Variants in GPR137B observed in about 807,000 individuals in gnomAD.
GPR137B encodes integral membrane protein GPR137B.
GPR137B carries 42 observed loss-of-function variants against 42.5 expected under a neutral mutation model. The observed-to-expected ratio is 0.99, with a 90% CI of 0.77 to 1.28. GPR137B has a LOEUF of 1.28. GPR137B is among the 50% of genes most tolerant of loss of function. The pLI is 0.00. For synonymous variants in GPR137B, 218 were observed against 209.7 expected, an observed-to-expected ratio of 1.04 and a Z score of -0.34; for missense variants, 487 against 493.9, an observed-to-expected ratio of 0.99 and a Z score of 0.13.
intron 1 of GPR137B, among the ~76,000 whole-genome samples, chr1:236,151,417 C>CCTTTTT (rs1405128961): frequency 7.1e-5 from 9 of 126,570 alleles, no homozygotes; most frequent in East Asian, 3.2e-4. Context: ...GTTGCATATT[C>CCTTTTT]ATTTTTTTTT....
chr1:236,199,533 G>A (rs1029312340), intron 5 of GPR137B, among the ~76,000 whole-genome samples: 9 of 152,022 alleles, frequency 5.9e-5, no homozygotes, highest in Admixed American at 3.3e-4. Flanking sequence ...GACTTTTTTT[G>A]TTGTTGGAAA....
intron 5 of GPR137B, among the ~76,000 whole-genome samples, chr1:236,199,665 T>C (rs1663438906): frequency 2.0e-5 from 3 of 150,870 alleles, no homozygotes; most frequent in African/African-American, 7.5e-5. Flanking sequence ...CGTAGTAACC[T>C]TGAATGATCT....
intron 1 of GPR137B, among the ~76,000 whole-genome samples, chr1:236,163,599 A>G (rs1285574315): frequency 6.6e-6 from 1 of 152,062 alleles, no homozygotes; most frequent in African/African-American, 2.4e-5. Context: ...TTCTTGTACT[A>G]TTCTTGTGAT....
intron 5 of GPR137B, among the ~76,000 whole-genome samples, chr1:236,195,553 G>C (rs1663308533): frequency 2.0e-5 from 3 of 152,158 alleles, no homozygotes; most frequent in Admixed American, 2.0e-4. Flanking sequence ...ATTGTGAACA[G>C]TGCTGCAACA....
chr1:236,152,832 T>A (rs2102892566), intron 1 of GPR137B, among the ~76,000 whole-genome samples: 1 of 150,806 alleles, frequency 6.6e-6, no homozygotes. Context: ...CTGAGGTGGG[T>A]GGATCATGAG....
chr1:236,179,847 G>A (rs2102911379), intron 3 of GPR137B, 32 bp from the exon 4 acceptor site: 3 of 1,516,180 alleles, frequency 2.0e-6, no homozygotes, highest in East Asian at 2.3e-5. Flanking sequence ...TGGACCTGGA[G>A]TGTCCCATAC....
intron 1 of GPR137B, among the ~76,000 whole-genome samples, chr1:236,160,535 C>A (rs1662158047): frequency 1.3e-5 from 2 of 152,172 alleles, no homozygotes; most frequent in Admixed American, 1.3e-4. Flanking sequence ...GACCCAGGCT[C>A]CTTCTGTCTG....
chr1:236,175,735 G>A (rs1662667407), intron 2 of GPR137B, among the ~76,000 whole-genome samples: 2 of 152,178 alleles, frequency 1.3e-5, no homozygotes, highest in Admixed American at 6.5e-5. Context: ...TAAGCCAGGG[G>A]CTGCCCTCAA....
At chr1:236,180,220 C>T in intron 4 of GPR137B, 192 bp downstream of exon 4, 1 of 557,174 alleles carries the variant, frequency 1.8e-6, no homozygotes, top group Non-Finnish European at 3.3e-6. Flanking sequence ...ATTTACAATA[C>T]CAAATACAAC....
chr1:236,196,839 C>G (rs895511018), intron 5 of GPR137B, among the ~76,000 whole-genome samples: 3 of 151,994 alleles, frequency 2.0e-5, no homozygotes, highest in African/African-American at 7.3e-5. Flanking sequence ...TACCATTTTT[C>G]TTTATCCACT....
At chr1:236,178,238 A>T (rs1200730977) in intron 2 of GPR137B, among the ~76,000 whole-genome samples, 176 bp from the exon 3 acceptor site, 1 of 152,126 alleles carries the variant, frequency 6.6e-6, no homozygotes, top group Non-Finnish European at 1.5e-5. Flanking sequence ...GACCATCCAG[A>T]GGCATAATTT....
chr1:236,142,686 G>C lies in GPR137B; in HGVS notation c.64G>C (p.Asp22His). 6.4e-7 allele frequency: 1 copy of C among 1,573,982 alleles called. No individual in the cohort carries two copies. The highest frequency in any genetic ancestry group is 1.8e-5 in the Admixed American group (1 of 55,174). ...APGPMETPPW[D>H]PARNDSLPPT... Reference sequence around the variant, plus strand: ...CGGCCCGATGGAGACCCCGCCGTGGGACCCAGCCCGCAACGACTCGCTGCC... The same window carrying C: ...CGGCCCGATGGAGACCCCGCCGTGGCACCCAGCCCGCAACGACTCGCTGCC... Residue 22 changes from aspartate (D) to histidine (H), a missense_variant, in exon 1 of 7, where the codon GAC becomes CAC. Physicochemically the swap from Asp to His is moderately conservative, Grantham distance 81 (BLOSUM62 -1). Transcript: ENST00000366592.
chr1:236,199,027 T>C (rs1487544341), intron 5 of GPR137B, among the ~76,000 whole-genome samples: 1 of 152,232 alleles, frequency 6.6e-6, no homozygotes, highest in Non-Finnish European at 1.5e-5. Context: ...TAATGTTGGC[T>C]GTGGGTTTGT....
rs1276590157 is a variant in GPR137B at position 236,142,984 on chromosome 1, C to T, written c.362C>T (p.Pro121Leu). The T allele has an allele frequency of 1.2e-6, 2 of 1,613,924 alleles. No individual in the cohort carries two copies. Among genetic ancestry groups the T allele is most frequent in the African/African-American group, 2.7e-5 (2 of 75,074 alleles). Reference sequence around the variant, plus strand: ...GTCTTCTGGCTGCTCTACTGCTTCCCTGTGTGCCTGCAGTTTTTCACCCTC... The same window carrying T: ...GTCTTCTGGCTGCTCTACTGCTTCCTTGTGTGCCTGCAGTTTTTCACCCTC... ...PFVFWLLYCF[P>L]VCLQFFTLTL... Residue 121 changes from proline (P) to leucine (L), a missense_variant, in exon 1 of 7, where the codon CCT (proline) becomes CTT (leucine). By Grantham distance (98) the Pro-to-Leu change is moderately conservative. Transcript: ENST00000366592.
chr1:236,144,577 A>T (rs995411774), intron 1 of GPR137B, among the ~76,000 whole-genome samples: 4 of 152,364 alleles, frequency 2.6e-5, no homozygotes, highest in Non-Finnish European at 5.9e-5. Flanking sequence ...CTACACTCAG[A>T]CTTCTTGTAA....
chr1:236,193,083 TGG>T (rs1209142561), intron 5 of GPR137B, among the ~76,000 whole-genome samples: 1 of 151,732 alleles, frequency 6.6e-6, no homozygotes, highest in African/African-American at 2.4e-5. Flanking sequence ...TTAGTAGAGA[TGG>T]GGTTTCATTA....
chr1:236,178,407 C>A lies in GPR137B; in HGVS notation c.465-7C>A. 6.3e-7 allele frequency: 1 copy of A among 1,590,040 alleles called. No individual in the cohort carries two copies. Among genetic ancestry groups the A allele is most frequent in the East Asian group, 2.2e-5 (1 of 44,750 alleles). ...TGCAGCTGACAAGTTGCTCTCATGC[C>A]TTCCAGGTTGCCCCTCTACCTGGCC... On this transcript the variant is annotated splice_region_variant and splice_polypyrimidine_tract_variant and intron_variant, in intron 2 of 6. Transcript: ENST00000366592.
intron 1 of GPR137B, among the ~76,000 whole-genome samples, chr1:236,157,465 C>T (rs911414207): frequency 2.0e-5 from 3 of 152,108 alleles, no homozygotes; most frequent in Non-Finnish European, 2.9e-5. Flanking sequence ...CCTCATGATC[C>T]GCCTCCCCCA....
At chr1:236,194,106 A>G (rs946363818) in intron 5 of GPR137B, among the ~76,000 whole-genome samples, 2 of 152,236 alleles carry the variant, frequency 1.3e-5, no homozygotes, top group African/African-American at 4.8e-5. Flanking sequence ...CAAGATGTAT[A>G]GAGCAGTGAG....
Sources: gnomAD v4.1 joint callset for allele counts (sites outside exome capture counted in the v4.1 genomes callset) on GRCh38, gnomAD v4.1.1 for gene constraint, MANE v1.5 for transcripts, NCBI Gene and HGNC (gene_info 2026-07-23, HGNC 2026-07-21) for gene names.